CACNA1C: variants seen among roughly 807,000 people sequenced by gnomAD.
CACNA1C encodes calcium voltage-gated channel subunit alpha1 C.
A neutral mutation model predicts 229.0 loss-of-function variants in CACNA1C; 30 were observed. The ratio of observed to expected loss-of-function variants is 0.13; its 90% CI spans 0.10 to 0.18. The LOEUF is 0.18. Among genes scored for constraint, CACNA1C ranks in the 10% least tolerant of loss-of-function variants. The probability of loss-of-function intolerance (pLI) is 1.00; values close to 1 mark genes in which losing one functional copy is unlikely to be tolerated. For missense variants in CACNA1C, 1,658 were observed against 2,845.0 expected, an observed-to-expected ratio of 0.58 and a Z score of 9.49; for synonymous variants, 1,114 against 1,132.5, an observed-to-expected ratio of 0.98 and a Z score of 0.33.
intron 8 of CACNA1C, among the ~76,000 whole-genome samples, chr12:2,508,132 G>A (rs2099775886): frequency 6.6e-6 from 1 of 152,246 alleles, no homozygotes; most frequent in Non-Finnish European, 1.5e-5. Flanking sequence ...AGAGAGCAAA[G>A]CCACTAACTG....
intron 3 of CACNA1C, chr12:2,270,014 A>G (rs1278475615): frequency 6.6e-6 from 1 of 152,206 alleles, no homozygotes; most frequent in South Asian, 2.1e-4. Context: ...GACACTGCTC[A>G]TTGGCCAAAC....
intron 24 of CACNA1C, 23 bp from the exon 25 acceptor site, chr12:2,606,588 A>T: frequency 6.3e-7 from 1 of 1,588,082 alleles, no homozygotes; most frequent in Middle Eastern, 1.7e-4. Context: ...AACATCTCTG[A>T]TACTCTGTTC....
At chr12:2,248,899 A>G (rs941407581) in intron 3 of CACNA1C, among the ~76,000 whole-genome samples, 1 of 152,178 alleles carries the variant, frequency 6.6e-6, no homozygotes, top group Admixed American at 6.5e-5. Flanking sequence ...GCATCACGAT[A>G]GTCCTGTTCT....
rs2097701253 is a variant in CACNA1C at position 2,689,516 on chromosome 12, C to T, written c.6117+737C>T. On this transcript the variant is annotated intron_variant, in intron 46 of 46. Coordinates refer to ENST00000399655, the MANE Select transcript of CACNA1C (RefSeq NM_000719.7). This position sits in a 1 kb window ranked among gnomAD's most constrained non-coding sequence, Gnocchi z 4.2. ...CCACCAGCGGACAGATTTCAGCTCACATGGGGAAGACCTTCCCAAATGAGC... is the reference window on the plus strand; with the variant it reads ...CCACCAGCGGACAGATTTCAGCTCATATGGGGAAGACCTTCCCAAATGAGC... Among the ~76,000 whole-genome samples the T allele has an allele frequency of 6.6e-6, 1 of 152,068 alleles. No homozygotes were observed. The highest frequency in any genetic ancestry group is 1.5e-5 in the Non-Finnish European group (1 of 68,012).
chr12:2,227,704 G>T (rs1403188891), intron 3 of CACNA1C, among the ~76,000 whole-genome samples: 1 of 152,074 alleles, frequency 6.6e-6, no homozygotes, highest in African/African-American at 2.4e-5. Flanking sequence ...TTTTTGGTTT[G>T]ACCTACTATA....
At position 2,358,309 on chromosome 12, in the gene CACNA1C, C is replaced by G. The variant is rs193138100; in HGVS notation, c.478-90667C>G. Among the ~76,000 whole-genome samples, 9 of 131,994 alleles carry G rather than the reference C, an allele frequency of 6.8e-5. No homozygotes were observed. The South Asian group carries it at 1.0e-3, about 15-fold the overall frequency. 86.6% of individuals were successfully genotyped at this position (131,994 alleles called of 152,430 possible). A position where few individuals can be genotyped will look rare whatever the true frequency, so the allele number is the denominator to read the frequency against. On this transcript the variant is annotated intron_variant, in intron 3 of 46. Transcript: ENST00000399655. The stretch of plus-strand genomic sequence containing the variant: ...TGTGTGTGTGTGTGTGTGTGTGTGT[C>G]TCTTTGTCATCTTCAGCATATCCAG...
rs369320630 is a variant in CACNA1C at position 2,616,870 on chromosome 12, G to A, written c.3828+4857G>A. ...ACGGCTCCTCTCCAGACTTCCTGCC[G>A]GCGCCCTTGCCCTGCACGCTGGTCT... On this transcript the variant is annotated intron_variant, in intron 29 of 46. Coordinates refer to ENST00000399655, the MANE Select transcript of CACNA1C (RefSeq NM_000719.7). Among the ~76,000 whole-genome samples, 23 of 152,350 alleles carry A rather than the reference G, an allele frequency of 1.5e-4. No homozygotes were observed. The South Asian group carries it at 2.1e-3, about 14-fold the overall frequency.
chr12:2,102,421 G>A (rs1228559456), intron 1 of CACNA1C, among the ~76,000 whole-genome samples: 3 of 152,132 alleles, frequency 2.0e-5, no homozygotes, highest in Non-Finnish European at 4.4e-5. Context: ...GCAGCTGAAG[G>A]AAAGGGGAGG....
chr12:2,222,578 C>T (rs775409335), intron 3 of CACNA1C, among the ~76,000 whole-genome samples: 10 of 152,170 alleles, frequency 6.6e-5, no homozygotes, highest in Non-Finnish European at 1.0e-4. Flanking sequence ...TTGACATGGA[C>T]GTGACTATGG....
intron 3 of CACNA1C, among the ~76,000 whole-genome samples, chr12:2,336,912 A>G (rs769359438): frequency 2.4e-4 from 36 of 152,208 alleles, no homozygotes; most frequent in Admixed American, 2.2e-3. Context: ...TAAGAGTAAG[A>G]CACCGCAAGA....
intron 21 of CACNA1C, among the ~76,000 whole-genome samples, chr12:2,598,418 C>T (rs1420065953): frequency 1.3e-5 from 2 of 152,220 alleles, no homozygotes; most frequent in Non-Finnish European, 2.9e-5. Context: ...GCGTGGCAAG[C>T]CAGTTCATCT....
rs552461047 is a variant in CACNA1C at position 2,269,656 on chromosome 12, A to C, written c.477+149226A>C. ...GACTACGGACAAAGAATGGGTACCG[A>C]GTGTTCAGTTGGCATCATAATAGGA... On this transcript the variant is annotated intron_variant, in intron 3 of 46. Transcript: ENST00000399655. The C allele has an allele frequency of 2.0e-5, 3 of 152,272 alleles. No individual in the cohort carries two copies. The South Asian group carries it at 6.2e-4, about 32-fold the overall frequency. 9.4% of individuals were successfully genotyped at this position (152,272 alleles called of 1,614,324 possible). A position where few individuals can be genotyped will look rare whatever the true frequency, so the allele number is the denominator to read the frequency against.
At chr12:2,117,187 C>T (rs998260678) in intron 2 of CACNA1C, among the ~76,000 whole-genome samples, 1 of 152,196 alleles carries the variant, frequency 6.6e-6, no homozygotes, top group Non-Finnish European at 1.5e-5. Context: ...AAGAGAATTG[C>T]TTGAACTCGG....
intron 1 of CACNA1C, among the ~76,000 whole-genome samples, chr12:2,000,330 T>G (rs1332426229): frequency 6.6e-6 from 1 of 152,240 alleles, no homozygotes; most frequent in African/African-American, 2.4e-5. Flanking sequence ...ACTCTCCTGG[T>G]CTTCCAGTAT....
chr12:2,637,410 A>G (rs557069993), intron 30 of CACNA1C, among the ~76,000 whole-genome samples: 93 of 152,330 alleles, frequency 6.1e-4, no homozygotes, highest in African/African-American at 2.1e-3. Flanking sequence ...ATTATAACTT[A>G]CAACCCACAG....
chr12:2,495,352 G>T (rs2099744555), intron 7 of CACNA1C, among the ~76,000 whole-genome samples: 1 of 152,224 alleles, frequency 6.6e-6, no homozygotes, highest in African/African-American at 2.4e-5. Context: ...ATAAATGATT[G>T]TGTGGGACTG....
chr12:2,491,978 CT>C (rs2099736166), intron 6 of CACNA1C, among the ~76,000 whole-genome samples: 2 of 151,714 alleles, frequency 1.3e-5, no homozygotes, highest in Admixed American at 1.3e-4. Context: ...CTCTCTCTCT[CT>C]CTCTCTCTCT....
intron 3 of CACNA1C, among the ~76,000 whole-genome samples, chr12:2,438,423 G>T (rs113450234): frequency 1.3e-5 from 2 of 150,598 alleles, no homozygotes; most frequent in Non-Finnish European, 1.5e-5. Context: ...GCGGAAGGAG[G>T]TGATGTTGGA....
At chr12:2,318,456 G>A (rs2095805699) in intron 3 of CACNA1C, among the ~76,000 whole-genome samples, 1 of 152,250 alleles carries the variant, frequency 6.6e-6, no homozygotes, top group African/African-American at 2.4e-5. Context: ...GGTGGAAGGA[G>A]GCCTCCATCC....
Sources: gnomAD v4.1 joint callset for allele counts (sites outside exome capture counted in the v4.1 genomes callset) on GRCh38, gnomAD v4.1.1 for gene constraint, Gnocchi (gnomAD v3.1) non-coding constraint, MANE v1.5 for transcripts, NCBI Gene and HGNC (gene_info 2026-07-23, HGNC 2026-07-21) for gene names.